RGS12: variants seen among roughly 807,000 people sequenced by gnomAD.
The protein encoded by RGS12 is regulator of G-protein signaling 12.
Under a neutral mutation model 120.1 loss-of-function variants are expected in RGS12, and 66 were observed. The ratio of observed to expected loss-of-function variants is 0.55; its 90% confidence interval spans 0.45 to 0.67. The LOEUF (loss-of-function observed/expected upper bound fraction) is 0.67, where lower values mean the gene tolerates loss of function less well. Ranked by LOEUF, RGS12 falls within the 30% of genes least tolerant of loss-of-function variation. The pLI, the probability that RGS12 is intolerant of heterozygous loss-of-function variation, is 0.00. For missense variants in RGS12, 1,859 were observed against 1,957.7 expected (o/e 0.95, Z 0.95); for synonymous variants, 827 against 804.7 (o/e 1.03, Z -0.47).
At chr4:3,387,668 C>T (rs1400196890) in intron 4 of RGS12, among the ~76,000 whole-genome samples, 1 of 152,158 alleles carries the variant, frequency 6.6e-6, no homozygotes, top group Admixed American at 6.5e-5. Flanking sequence ...GGATAAACTT[C>T]CTTAATGAAA....
chr4:3,354,962 A>C (rs534660509), intron 3 of RGS12, among the ~76,000 whole-genome samples: 1 of 152,248 alleles, frequency 6.6e-6, no homozygotes, highest in Non-Finnish European at 1.5e-5. Flanking sequence ...TGAGGCTACC[A>C]TATAACCTTG....
chr4:3,394,137 C>T (rs1203425986), intron 4 of RGS12, among the ~76,000 whole-genome samples: 1 of 152,134 alleles, frequency 6.6e-6, no homozygotes, highest in Non-Finnish European at 1.5e-5. Flanking sequence ...CACGGCATTT[C>T]ATCCGTCTGC....
chr4:3,292,838 G>A (rs957625449), upstream of RGS12, among the ~76,000 whole-genome samples: 173 of 152,048 alleles, frequency 1.1e-3, 4 homozygotes, highest in Non-Finnish European at 4.4e-5. Flanking sequence ...CTGCTTCCCT[G>A]GCAGTCCCGT....
intron 6 of RGS12, 76 bp from the exon 7 acceptor site, chr4:3,415,902 G>C (rs969325913): frequency 7.8e-5 from 116 of 1,488,556 alleles, no homozygotes; most frequent in Non-Finnish European, 9.9e-5. Context: ...GAGCCCGGGG[G>C]TGTCGGGCCT....
At chr4:3,338,709 G>A (rs1268255641) in intron 2 of RGS12, among the ~76,000 whole-genome samples, 1 of 152,200 alleles carries the variant, frequency 6.6e-6, no homozygotes, top group African/African-American at 2.4e-5. Flanking sequence ...GCCGAAGGCT[G>A]GGAGGTGGAG....
Position 3,420,772 on chromosome 4 carries a change from G to A in RGS12, c.2838+54G>A, listed in dbSNP as rs185836423. ...GGCCTCAGGGGTGTCCCCACCAGCTGACTGATGACACCTCTCTCCCATGGA... is the reference window on the plus strand; with the variant it reads ...GGCCTCAGGGGTGTCCCCACCAGCTAACTGATGACACCTCTCTCCCATGGA... On this transcript the variant is annotated intron_variant, in intron 10 of 17. Transcript: ENST00000336727. The A allele has an allele frequency of 4.6e-3, 6,437 of 1,385,938 alleles. 22 individuals are homozygous for A. The highest frequency in any genetic ancestry group is 6.0e-3 in the Non-Finnish European group (5,886 of 987,732). 85.9% of individuals were successfully genotyped at this position (1,385,938 alleles called of 1,614,324 possible).
Position 3,390,591 on chromosome 4 carries a change from C to T in RGS12, c.2020+4154C>T, listed in dbSNP as rs899059606. Among the ~76,000 whole-genome samples, 2 of 152,264 alleles carry T rather than the reference C, an allele frequency of 1.3e-5. No homozygotes were observed. Among genetic ancestry groups the T allele is most frequent in the African/African-American group, 2.4e-5 (1 of 41,472 alleles). On this transcript the variant is annotated intron_variant, in intron 4 of 17. Transcript: ENST00000336727. The surrounding 1 kb of genome is among the most constrained non-coding windows in gnomAD (Gnocchi z 4.6). Reference sequence around the variant, plus strand: ...CCGCCTCCTCCTGGGCTGCTCTGCGCGCCTGCCAGGCTCTTCCAGTGCCTT... The same window carrying T: ...CCGCCTCCTCCTGGGCTGCTCTGCGTGCCTGCCAGGCTCTTCCAGTGCCTT...
intron 3 of RGS12, 94 bp downstream of exon 3, chr4:3,343,147 G>A (rs770075329): frequency 2.4e-6 from 2 of 839,366 alleles, no homozygotes; most frequent in East Asian, 2.6e-5. Context: ...TTGAGTCCCT[G>A]TGGTCCCCTC....
At chr4:3,414,704 G>A (rs1430699532) in intron 5 of RGS12, 48 bp from the exon 6 acceptor site, 1 of 1,353,214 alleles carries the variant, frequency 7.4e-7, no homozygotes, top group Admixed American at 1.7e-5. Context: ...GTAGGAAAAA[G>A]GAGGACCCTG....
chr4:3,386,373 C>T (rs777341944), intron 3 of RGS12, 43 bp from the exon 4 acceptor site: 4 of 1,597,962 alleles, frequency 2.5e-6, no homozygotes, highest in Middle Eastern at 1.7e-4. Context: ...GGAGTTTTGT[C>T]ATGAGGCTTA....
intron 17 of RGS12, among the ~76,000 whole-genome samples, chr4:3,436,128 G>C (rs1157296897): frequency 8.8e-6 from 1 of 113,136 alleles, no homozygotes; most frequent in Non-Finnish European, 2.2e-5. Flanking sequence ...GGGGGACCTT[G>C]GGGGGGTCAC....
At chr4:3,310,985 G>A (rs999480830) in intron 1 of RGS12, among the ~76,000 whole-genome samples, 4 of 152,332 alleles carry the variant, frequency 2.6e-5, no homozygotes, top group Middle Eastern at 3.4e-3. Context: ...TCATCTGCAC[G>A]CGAGAATTGT....
At chr4:3,328,725 T>A (rs1394347982) in intron 2 of RGS12, among the ~76,000 whole-genome samples, 1 of 152,206 alleles carries the variant, frequency 6.6e-6, no homozygotes, top group Non-Finnish European at 1.5e-5. Flanking sequence ...TAGTGAGATT[T>A]CTCTTACTCT....
intron 2 of RGS12, among the ~76,000 whole-genome samples, chr4:3,323,661 G>C (rs1276094182): frequency 6.6e-6 from 1 of 152,172 alleles, no homozygotes; most frequent in Non-Finnish European, 1.5e-5. Flanking sequence ...GGCAACCTTA[G>C]ACTGTTTCTA....
intron 4 of RGS12, among the ~76,000 whole-genome samples, chr4:3,402,559 G>T (rs1238840694): frequency 1.3e-5 from 2 of 152,152 alleles, no homozygotes; most frequent in African/African-American, 4.8e-5. Context: ...CTTGGCTTGA[G>T]GGAAGGGTTT....
At chr4:3,291,348 C>CTTTTT (rs66464754), upstream of RGS12, among the ~76,000 whole-genome samples, 261 of 132,988 alleles carry the variant, frequency 2.0e-3, 2 homozygotes, top group South Asian at 4.1e-3. Context: ...TTTCCTGGCT[C>CTTTTT]TTTTTTTTTT....
chr4:3,347,015 C>T (rs1383356686), intron 3 of RGS12, among the ~76,000 whole-genome samples: 1 of 151,554 alleles, frequency 6.6e-6, no homozygotes, highest in African/African-American at 2.4e-5. Context: ...TAAATAACCA[C>T]ATTGCCATAA....
intron 4 of RGS12, among the ~76,000 whole-genome samples, chr4:3,397,665 A>T (rs560489806): frequency 6.6e-6 from 1 of 152,306 alleles, no homozygotes; most frequent in Admixed American, 6.5e-5. Flanking sequence ...TGGACATGGG[A>T]TTTTTGAGAT....
chr4:3,408,816 C>T (rs1450920713), intron 4 of RGS12, among the ~76,000 whole-genome samples: 3 of 152,218 alleles, frequency 2.0e-5, no homozygotes. Flanking sequence ...GGCTCCTGTG[C>T]TTGAGTTGAG....
Sources: gnomAD v4.1 joint callset for allele counts (sites outside exome capture counted in the v4.1 genomes callset) on GRCh38, gnomAD v4.1.1 for gene constraint, Gnocchi (gnomAD v3.1) non-coding constraint, MANE v1.5 for transcripts, NCBI Gene and HGNC (gene_info 2026-07-23, HGNC 2026-07-21) for gene names.